The following KCNH1 variants were observed in gnomAD, a reference collection of about 807,000 sequenced individuals.
The protein encoded by KCNH1 is voltage-gated delayed rectifier potassium channel KCNH1.
In KCNH1, 27 loss-of-function variants were observed where a neutral mutation model predicts 69.2. The ratio of observed to expected loss-of-function variants is 0.39; its 90% confidence interval spans 0.29 to 0.54. The LOEUF (loss-of-function observed/expected upper bound fraction) is 0.54. Ranked by LOEUF, KCNH1 falls within the 20% of genes least tolerant of loss-of-function variation. The probability of loss-of-function intolerance (pLI) is 0.68; values close to 1 mark genes in which losing one functional copy is unlikely to be tolerated. For synonymous variants in KCNH1, 456 were observed against 487.7 expected, an observed-to-expected ratio of 0.93 and a Z score of 0.86; for missense variants, 798 against 1,261.6, an observed-to-expected ratio of 0.63 and a Z score of 5.57.
rs916837911 is a variant in KCNH1 at position 210,697,154 on chromosome 1, C to G, written c.2113-13016G>C. 6.6e-5 allele frequency among the ~76,000 whole-genome samples: 10 copies of G among 152,298 alleles called. No individual in the cohort carries two copies. The South Asian group carries it at 1.7e-3, about 25-fold the overall frequency. On this transcript the variant is annotated intron_variant, in intron 10 of 10. Coordinates refer to ENST00000271751, the MANE Select transcript of KCNH1 (RefSeq NM_172362.3). ...CTTTGCCACCAGGGCTGGGAACCCA[C>G]AGGTTCCAGAGCTTAAAGGGCCCTG...
chr1:210,917,229 GAGAAAGAAAGAAAGAAAGAAAGAA>G (rs1187754589), intron 7 of KCNH1, among the ~76,000 whole-genome samples: 2 of 78,800 alleles, frequency 2.5e-5, no homozygotes, highest in African/African-American at 5.2e-5. Flanking sequence ...GAGAGAGAGA[GAGAAAGAAAGAAAGAAAGAAAGAA>G]AGAAAGAAAG....
intron 10 of KCNH1, among the ~76,000 whole-genome samples, chr1:210,771,569 T>C (rs1683754813): frequency 1.3e-5 from 2 of 152,294 alleles, no homozygotes; most frequent in African/African-American, 4.8e-5. Context: ...TTCTTTTTAC[T>C]TTACAAAAGG....
intron 6 of KCNH1, among the ~76,000 whole-genome samples, chr1:210,994,769 T>C (rs1688997062): frequency 1.3e-5 from 2 of 152,198 alleles, no homozygotes; most frequent in African/African-American, 4.8e-5. Context: ...CCAGTAGATG[T>C]GCAGCACACC....
chr1:210,811,490 A>G (rs748174225), intron 7 of KCNH1, among the ~76,000 whole-genome samples: 44 of 152,138 alleles, frequency 2.9e-4, no homozygotes, highest in South Asian at 2.7e-3. Context: ...CCAGCTTTCA[A>G]ATTTGTGTTA....
intron 6 of KCNH1, among the ~76,000 whole-genome samples, chr1:210,976,215 A>G (rs1409784689): frequency 1.3e-5 from 2 of 152,198 alleles, no homozygotes; most frequent in Non-Finnish European, 2.9e-5. Context: ...ATCTAGAACT[A>G]GAAATACCAT....
At position 210,946,263 on chromosome 1, in the gene KCNH1, G is replaced by A. The variant is rs376877354; in HGVS notation, c.1033-26194C>T. Among the ~76,000 whole-genome samples the A allele has an allele frequency of 3.5e-4, 54 of 152,280 alleles. 2 individuals are homozygous for A. In the South Asian group the frequency reaches 0.011, roughly 30 times the overall value. On this transcript the variant is annotated intron_variant, in intron 6 of 10. Transcript: ENST00000271751. Reference sequence around the variant, plus strand: ...TGTACTTTCTGTGGGAACTTAGGGAGCACTGGGCCAGAAAACAGCCCCAGG... The same window carrying A: ...TGTACTTTCTGTGGGAACTTAGGGAACACTGGGCCAGAAAACAGCCCCAGG...
chr1:210,683,961 G>C lies in KCNH1; in HGVS notation c.2290C>G (p.Leu764Val), dbSNP rs778686523. 6.2e-7 allele frequency: 1 copy of C among 1,604,104 alleles called. No homozygotes were observed. The highest frequency in any genetic ancestry group is 8.5e-7 in the Non-Finnish European group (1 of 1,171,998). The change falls in exon 11 of 11, where the codon CTA becomes GTA. Residue 764 changes from leucine to valine, a missense_variant. Leu to Val is a conservative substitution (Grantham distance 32). Transcript: ENST00000271751. The surrounding 1 kb of genome is among the most constrained non-coding windows in gnomAD (Gnocchi z 5.7). Reference sequence around the variant, plus strand: ...AGGACATTGCCCTTCTCCACATCTAGGTCATCCAGGTCCCGGCCCCCTCTC... The same window carrying C: ...AGGACATTGCCCTTCTCCACATCTACGTCATCCAGGTCCCGGCCCCCTCTC... ...AERGGRDLDD[L>V]DVEKGNVLTE...
intron 10 of KCNH1, among the ~76,000 whole-genome samples, chr1:210,716,416 A>G (rs1409792556): frequency 7.8e-6 from 1 of 128,588 alleles, no homozygotes. Flanking sequence ...TGGGCGACAG[A>G]GCAAGACTCC....
intron 6 of KCNH1, among the ~76,000 whole-genome samples, chr1:210,926,250 CA>C (rs1558528425): frequency 6.6e-6 from 1 of 151,292 alleles, no homozygotes; most frequent in Non-Finnish European, 1.5e-5. Flanking sequence ...ACAACAAGAG[CA>C]AAACTCCATC....
At chr1:210,738,130 C>T (rs563158882) in intron 10 of KCNH1, among the ~76,000 whole-genome samples, 33 of 151,920 alleles carry the variant, frequency 2.2e-4, no homozygotes, top group Non-Finnish European at 3.7e-4. Context: ...ATATTGGTCT[C>T]TTTGCTTCCC....
At chr1:210,777,840 A>T (rs1683892428) in intron 9 of KCNH1, among the ~76,000 whole-genome samples, 1 of 152,232 alleles carries the variant, frequency 6.6e-6, no homozygotes, top group African/African-American at 2.4e-5. Flanking sequence ...CCTCCCCTTG[A>T]ATCTGGGCTG....
intron 5 of KCNH1, among the ~76,000 whole-genome samples, chr1:211,042,010 C>T (rs926705500): frequency 6.6e-6 from 1 of 152,186 alleles, no homozygotes; most frequent in African/African-American, 2.4e-5. Flanking sequence ...CCACCTCAGC[C>T]TCCCAAAGTG....
intron 5 of KCNH1, among the ~76,000 whole-genome samples, chr1:211,062,359 C>A (rs1362792780): frequency 6.6e-6 from 1 of 152,080 alleles, no homozygotes. Flanking sequence ...AACTATGAAA[C>A]CACTAAAAGA....
chr1:210,791,678 T>C (rs1355436888), intron 9 of KCNH1, among the ~76,000 whole-genome samples: 1 of 152,178 alleles, frequency 6.6e-6, no homozygotes, highest in Non-Finnish European at 1.5e-5. Flanking sequence ...CCACGTTACT[T>C]ATTGTCACTA....
At chr1:211,081,002 A>G (rs1208768917) in intron 5 of KCNH1, among the ~76,000 whole-genome samples, 1 of 152,222 alleles carries the variant, frequency 6.6e-6, no homozygotes, top group East Asian at 1.9e-4. Flanking sequence ...CTGCACAGCA[A>G]AAGAAACTAC....
intron 6 of KCNH1, among the ~76,000 whole-genome samples, chr1:210,957,495 T>C (rs11807713): frequency 0.011 from 1,668 of 152,246 alleles, 36 homozygotes; most frequent in African/African-American, 0.038. Context: ...CCTTGATTTG[T>C]CTAATATTGA....
At chr1:210,807,429 G>T (rs1684606917) in intron 7 of KCNH1, among the ~76,000 whole-genome samples, 1 of 151,910 alleles carries the variant, frequency 6.6e-6, no homozygotes, top group South Asian at 2.1e-4. Flanking sequence ...ACATGGCAAA[G>T]CCCTGTCTCT....
rs1685683278 is a variant in KCNH1, at chr1:210,850,775, A to G, written c.1463-46609T>C. 2.0e-5 allele frequency among the ~76,000 whole-genome samples: 3 copies of G among 152,204 alleles called. No homozygotes were observed. The South Asian group carries it at 6.2e-4, about 31-fold the overall frequency. ...ATGATTCACAGTGAGTGAAAGCCAC[A>G]ATAAAGCTTTTCATCAGAGGAAAGG... On this transcript the variant is annotated intron_variant, in intron 7 of 10. Transcript: ENST00000271751.
At chr1:210,977,299 T>TG in intron 6 of KCNH1, among the ~76,000 whole-genome samples, 1 of 151,802 alleles carries the variant, frequency 6.6e-6, no homozygotes, top group African/African-American at 2.4e-5. Flanking sequence ...TGTCGTGAGG[T>TG]GGGGGGAGTG....
Sources: gnomAD v4.1 joint callset for allele counts (sites outside exome capture counted in the v4.1 genomes callset) on GRCh38, gnomAD v4.1.1 for gene constraint, Gnocchi (gnomAD v3.1) non-coding constraint, MANE v1.5 for transcripts, NCBI Gene and HGNC (gene_info 2026-07-23, HGNC 2026-07-21) for gene names.